Variants in TPTE2 observed in about 807,000 individuals in gnomAD.
The protein encoded by TPTE2 is transmembrane phosphoinositide 3-phosphatase and tensin homolog 2.
A neutral mutation model predicts 78.6 loss-of-function variants in TPTE2; 53 were observed. The observed-to-expected ratio is 0.67, with a 90% CI of 0.54 to 0.85. The LOEUF (loss-of-function observed/expected upper bound fraction) is 0.85. Among genes scored for constraint, TPTE2 ranks in the 40% least tolerant of loss-of-function variants. The pLI is 0.00. For synonymous variants in TPTE2, 175 were observed against 206.2 expected (o/e 0.85, Z 1.30); for missense variants, 461 against 623.0 (o/e 0.74, Z 2.77).
intron 13 of TPTE2, among the ~76,000 whole-genome samples, chr13:19,442,389 AAC>A (rs1490096812): frequency 2.0e-5 from 3 of 152,044 alleles, no homozygotes; most frequent in Non-Finnish European, 4.4e-5. Context: ...GTAAAATAAA[AAC>A]ACTACAAATA....
upstream of TPTE2, chr13:19,506,056 G>A (rs1458965682): frequency 6.7e-6 from 1 of 148,956 alleles, no homozygotes; most frequent in African/African-American, 2.5e-5. Flanking sequence ...ACAAATATCA[G>A]CTTCTCTTTC....
At chr13:19,544,660 C>T in the TPTE2 span, among the ~76,000 whole-genome samples, 1 of 152,096 alleles carries the variant, frequency 6.6e-6, no homozygotes, top group Admixed American at 6.6e-5. Flanking sequence ...ATTTGGGAGG[C>T]CAAGGCAGGT....
chr13:19,441,576 A>G (rs1877496899), intron 13 of TPTE2, among the ~76,000 whole-genome samples: 1 of 152,214 alleles, frequency 6.6e-6, no homozygotes, highest in South Asian at 2.1e-4. Context: ...AATTATCTCA[A>G]TTAATGCAGG....
At chr13:19,493,186 A>G (rs1787327926) in intron 2 of TPTE2, among the ~76,000 whole-genome samples, 1 of 152,196 alleles carries the variant, frequency 6.6e-6, no homozygotes, top group Middle Eastern at 3.4e-3. Context: ...GTTACAAAAA[A>G]AAAAAAAATC....
intron 13 of TPTE2, among the ~76,000 whole-genome samples, chr13:19,439,013 T>C (rs1877308186): frequency 6.6e-6 from 1 of 152,160 alleles, no homozygotes; most frequent in Non-Finnish European, 1.5e-5. Flanking sequence ...CTTGGAGACT[T>C]TGTGGGGGAA....
At chr13:19,544,060 C>CAAAAAA in the TPTE2 span, among the ~76,000 whole-genome samples, 636 of 31,978 alleles carry the variant, frequency 0.02, 147 homozygotes, top group African/African-American at 0.063. Context: ...GAACCTGTCT[C>CAAAAAA]AAAAAAAAAA....
intron 10 of TPTE2, among the ~76,000 whole-genome samples, chr13:19,464,195 G>C (rs574769623): frequency 1.3e-5 from 2 of 152,294 alleles, no homozygotes; most frequent in Admixed American, 6.5e-5. Context: ...GCAAGCACCT[G>C]AATTGGACAG....
At chr13:19,505,493 C>T, upstream of TPTE2, among the ~76,000 whole-genome samples, 1 of 152,068 alleles carries the variant, frequency 6.6e-6, no homozygotes, top group Non-Finnish European at 1.5e-5. Context: ...ATGCCTCTTA[C>T]CCCATCTAAA....
chr13:19,552,575 T>C, the TPTE2 span: 24 of 883,228 alleles, frequency 2.7e-5, no homozygotes, highest in Non-Finnish European at 3.9e-5. Flanking sequence ...ACTTACCTGC[T>C]TCATTGTTAA....
At chr13:19,558,088 T>C in the TPTE2 span, among the ~76,000 whole-genome samples, 1 of 152,216 alleles carries the variant, frequency 6.6e-6, no homozygotes, top group Non-Finnish European at 1.5e-5. Flanking sequence ...GATTTCTGTT[T>C]ATAAAATGTC....
At chr13:19,437,366 G>C (rs576556527) in intron 14 of TPTE2, among the ~76,000 whole-genome samples, 2 of 152,154 alleles carry the variant, frequency 1.3e-5, no homozygotes, top group African/African-American at 4.8e-5. Flanking sequence ...GCAAGAAAAT[G>C]GCAGAAAGAA....
chr13:19,555,265 T>C, the TPTE2 span, among the ~76,000 whole-genome samples: 1 of 152,204 alleles, frequency 6.6e-6, no homozygotes, highest in Non-Finnish European at 1.5e-5. Context: ...CTATATTACC[T>C]GTCGACTCTA....
chr13:19,481,649 T>C (rs1054763481), intron 4 of TPTE2, among the ~76,000 whole-genome samples: 2 of 152,252 alleles, frequency 1.3e-5, no homozygotes, highest in African/African-American at 2.4e-5. Context: ...ATCTGTCTAA[T>C]TTTGTTTCGG....
At chr13:19,441,742 G>A (rs1406878382) in intron 13 of TPTE2, among the ~76,000 whole-genome samples, 1 of 152,116 alleles carries the variant, frequency 6.6e-6, no homozygotes, top group Non-Finnish European at 1.5e-5. Flanking sequence ...TTAAAGCCTG[G>A]AATTAAACAA....
upstream of TPTE2, among the ~76,000 whole-genome samples, chr13:19,508,093 G>A (rs1290237835): frequency 1.3e-5 from 2 of 152,060 alleles, no homozygotes; most frequent in Admixed American, 6.5e-5. Context: ...ACAATGACAC[G>A]GCTTACGTCC....
At chr13:19,469,949 T>C (rs1879502873) in intron 6 of TPTE2, among the ~76,000 whole-genome samples, 1 of 152,202 alleles carries the variant, frequency 6.6e-6, no homozygotes, top group Non-Finnish European at 1.5e-5. Context: ...CCAAATAAAA[T>C]GTATCATCTG....
chr13:19,553,055 T>C, the TPTE2 span, among the ~76,000 whole-genome samples: 254 of 150,920 alleles, frequency 1.7e-3, no homozygotes, highest in African/African-American at 5.9e-3. Context: ...TGTTTATCTT[T>C]ATTTTTAGTC....
chr13:19,464,427 A>G, intron 10 of TPTE2, 29 bp downstream of exon 13: 3 of 1,586,242 alleles, frequency 1.9e-6, no homozygotes, highest in Non-Finnish European at 2.6e-6. Context: ...TCACTGAGAA[A>G]TGAGTATTTG....
chr13:19,532,116 A>G (rs1870918426), intron 1 of TPTE2, among the ~76,000 whole-genome samples: 1 of 152,172 alleles, frequency 6.6e-6, no homozygotes, highest in Admixed American at 6.6e-5. Context: ...GGCCATTTTA[A>G]TTCTAAACCC....
Sources: allele counts gnomAD v4.1 joint callset (sites outside exome capture counted in the v4.1 genomes callset), GRCh38; gene constraint gnomAD v4.1.1; transcripts MANE v1.5; gene names NCBI Gene and HGNC (gene_info 2026-07-23, HGNC 2026-07-21).